The following TMEM150C variants were observed in gnomAD, a reference collection of about 807,000 sequenced individuals.
TMEM150C encodes the protein transmembrane protein 150C.
In TMEM150C, 10 loss-of-function variants were observed where a neutral mutation model predicts 29.9. The observed-to-expected ratio is 0.33, with a 90% CI of 0.21 to 0.57. TMEM150C has a LOEUF of 0.57. Ranked by LOEUF, TMEM150C falls within the 20% of genes least tolerant of loss-of-function variation. The pLI, the probability that TMEM150C is intolerant of heterozygous loss-of-function variation, is 0.88. For synonymous variants in TMEM150C, 101 were observed against 112.5 expected (o/e 0.90, Z 0.64); for missense variants, 251 against 303.6 (o/e 0.83, Z 1.29).
intron 1 of TMEM150C, among the ~76,000 whole-genome samples, chr4:82,545,336 C>T (rs1307791034): frequency 1.3e-5 from 2 of 152,146 alleles, no homozygotes; most frequent in East Asian, 3.9e-4. Flanking sequence ...GCTTTCAATA[C>T]AATCCAACAT....
At chr4:82,509,347 G>A (rs1205975587) in intron 1 of TMEM150C, among the ~76,000 whole-genome samples, 2 of 152,120 alleles carry the variant, frequency 1.3e-5, no homozygotes, top group African/African-American at 4.8e-5. Context: ...TGTTGCTCTG[G>A]AAGTCTTCAA....
chr4:82,511,475 T>C lies in TMEM150C; in HGVS notation c.-10-6808A>G, dbSNP rs541006320. Among the ~76,000 whole-genome samples, 67 of 144,214 alleles carry C rather than the reference T, an allele frequency of 4.6e-4. 1 individual carries two copies. Among genetic ancestry groups the C allele is most frequent in the South Asian group, 3.6e-3 (16 of 4,504 alleles). 94.6% of individuals were successfully genotyped at this position (144,214 alleles called of 152,430 possible). ...TGGAGCACATTGTCCCAACACTATT[T>C]TTTTTTTTTTTTTTTTTGAGATAGG... On this transcript the variant is annotated intron_variant, in intron 1 of 7. Transcript: ENST00000449862.
chr4:82,526,393 C>A (rs1392208551), intron 1 of TMEM150C, among the ~76,000 whole-genome samples: 1 of 152,086 alleles, frequency 6.6e-6, no homozygotes, highest in East Asian at 1.9e-4. Context: ...TATCATTTGG[C>A]CTTTGGAATC....
chr4:82,494,783 AT>A (rs70964776), intron 6 of TMEM150C: 3,815 of 187,896 alleles, frequency 0.02, no homozygotes, highest in South Asian at 0.043. Context: ...AATGTTCCTA[AT>A]TTTTTTTTTT....
intron 7 of TMEM150C, among the ~76,000 whole-genome samples, chr4:82,488,469 C>T (rs900261186): frequency 3.3e-5 from 5 of 152,184 alleles, no homozygotes; most frequent in Admixed American, 1.3e-4. Flanking sequence ...ATGCCTAGCA[C>T]GCTGTCTAAA....
At chr4:82,500,127 A>G (rs559561021) in intron 5 of TMEM150C, among the ~76,000 whole-genome samples, 3 of 152,340 alleles carry the variant, frequency 2.0e-5, no homozygotes, top group Admixed American at 6.5e-5. Context: ...AGCACAACTA[A>G]TTCTCTAAAG....
At chr4:82,545,562 A>G (rs1419637755) in intron 1 of TMEM150C, among the ~76,000 whole-genome samples, 2 of 152,232 alleles carry the variant, frequency 1.3e-5, no homozygotes, top group African/African-American at 4.8e-5. Flanking sequence ...GGCAAGAGAA[A>G]GAAAATAATA....
chr4:82,505,001 G>T (rs762206865), intron 1 of TMEM150C, among the ~76,000 whole-genome samples: 16 of 152,174 alleles, frequency 1.1e-4, no homozygotes, highest in African/African-American at 3.9e-4. Flanking sequence ...CTGTACTCCA[G>T]CCTGGGCGTC....
rs869112887 is a variant in TMEM150C, at chr4:82,507,727, C to CT, written c.-10-3061dup. Reference sequence around the variant, plus strand: ...TTAAATTAACTCTCTCTCTCTCTCTCTTTTTTTTTTTTTTTTTTTTTTTTT... The same window carrying CT: ...TTAAATTAACTCTCTCTCTCTCTCTCTTTTTTTTTTTTTTTTTTTTTTTTTT... On this transcript the variant is annotated intron_variant, in intron 1 of 7. Coordinates refer to ENST00000449862, the MANE Select transcript of TMEM150C (RefSeq NM_001080506.3). 8.9e-3 allele frequency among the ~76,000 whole-genome samples: 184 copies of CT among 20,574 alleles called. 45 individuals carry two copies. Among genetic ancestry groups the CT allele is most frequent in the East Asian group, 0.026 (12 of 458 alleles). 13.5% of individuals were successfully genotyped at this position (20,574 alleles called of 152,430 possible).
chr4:82,541,423 A>C (rs996806219), intron 1 of TMEM150C, among the ~76,000 whole-genome samples: 1 of 152,166 alleles, frequency 6.6e-6, no homozygotes, highest in Non-Finnish European at 1.5e-5. Context: ...GATGTGAAAA[A>C]ACAGAAGAAA....
Position 82,485,209 on chromosome 4 carries a change from G to A in TMEM150C, c.*302C>T, listed in dbSNP as rs1349439937. The A allele has an allele frequency of 1.8e-5, 6 of 325,992 alleles. No individual in the cohort carries two copies. The highest frequency in any genetic ancestry group is 8.5e-5 in the African/African-American group (4 of 46,866). The allele number at this position is 325,992 out of a possible 1,614,324, so 20.2% of individuals were successfully genotyped here. ...ACTCGGTAGGGTGCTTGAGACATGT[G>A]GAGAGAATGGGAAGAGGAGGGAGTG... On this transcript the variant is annotated 3_prime_UTR_variant, in exon 8 of 8. Transcript: ENST00000449862.
At chr4:82,487,744 A>C (rs1723208560) in intron 7 of TMEM150C, among the ~76,000 whole-genome samples, 1 of 152,158 alleles carries the variant, frequency 6.6e-6, no homozygotes, top group Non-Finnish European at 1.5e-5. Flanking sequence ...GAATGAAGAA[A>C]AAATAAATAG....
At chr4:82,487,818 T>C (rs964366370) in intron 7 of TMEM150C, among the ~76,000 whole-genome samples, 2 of 152,122 alleles carry the variant, frequency 1.3e-5, no homozygotes, top group South Asian at 2.1e-4. Flanking sequence ...TTTTATTCTT[T>C]CCCCCCCTCA....
Position 82,490,934 on chromosome 4 carries a change from G to A in TMEM150C, c.364-696C>T, listed in dbSNP as rs1962033. 4.5e-3 allele frequency: 3,248 copies of A among 722,512 alleles called. 69 individuals carry two copies. In the African/African-American group the frequency reaches 0.049, roughly 11 times the overall value. The allele number at this position is 722,512 out of a possible 1,614,324, so 44.8% of individuals were successfully genotyped here. Reference sequence around the variant, plus strand: ...CTCCCCAGTGATGGCGGATCTCATCGGATCTGTTTTTGTAATTGGTCCTGA... The same window carrying A: ...CTCCCCAGTGATGGCGGATCTCATCAGATCTGTTTTTGTAATTGGTCCTGA... On this transcript the variant is annotated intron_variant, in intron 6 of 7. Transcript: ENST00000449862.
At chr4:82,496,348 C>T (rs1723558751) in intron 5 of TMEM150C, 153 bp from the exon 6 acceptor site, 5 of 661,132 alleles carry the variant, frequency 7.6e-6, no homozygotes, top group Non-Finnish European at 1.2e-5. Flanking sequence ...TTAAACTTTT[C>T]ACCACAGCAC....
intron 1 of TMEM150C, among the ~76,000 whole-genome samples, chr4:82,542,704 G>C (rs1725234601): frequency 6.6e-6 from 1 of 152,180 alleles, no homozygotes; most frequent in Non-Finnish European, 1.5e-5. Flanking sequence ...GAAGAGAGTA[G>C]GTAGAAGAGT....
In TMEM150C at chr4:82,556,150, G is replaced by A. The variant is rs1180592039; in HGVS notation, c.-11+5756C>T. On this transcript the variant is annotated intron_variant, in intron 1 of 7. Transcript: ENST00000449862. ...CACATCACCACACCCGGCTAATTTT[G>A]TATTTTTAGTAGAGACGGGGTTTTG... 2.0e-5 allele frequency among the ~76,000 whole-genome samples: 3 copies of A among 151,036 alleles called. No individual in the cohort carries two copies. In the East Asian group the frequency reaches 5.9e-4, roughly 30 times the overall value.
intron 1 of TMEM150C, among the ~76,000 whole-genome samples, chr4:82,530,068 C>A (rs547021795): frequency 6.6e-6 from 1 of 151,058 alleles, no homozygotes; most frequent in East Asian, 2.0e-4. Flanking sequence ...TGGATCATGC[C>A]TTTTGCTCTC....
chr4:82,539,855 A>G (rs1725141315), intron 1 of TMEM150C, among the ~76,000 whole-genome samples: 1 of 152,214 alleles, frequency 6.6e-6, no homozygotes, highest in Admixed American at 6.5e-5. Context: ...AACAAATCCC[A>G]CAAAACTACT....
Sources: gnomAD v4.1 joint callset for allele counts (sites outside exome capture counted in the v4.1 genomes callset) on GRCh38, gnomAD v4.1.1 for gene constraint, MANE v1.5 for transcripts, NCBI Gene and HGNC (gene_info 2026-07-23, HGNC 2026-07-21) for gene names.